Variants in ASS1 observed in about 807,000 individuals in gnomAD.
ASS1 encodes the protein argininosuccinate synthase 1.
In ASS1, 58 loss-of-function variants were observed where a neutral mutation model predicts 60.5. The ratio of observed to expected loss-of-function variants is 0.96; its 90% CI spans 0.78 to 1.19. The LOEUF is 1.19. ASS1 is among the 50% of genes most tolerant of loss of function. The pLI is 0.00. For synonymous variants in ASS1, 200 were observed against 206.9 expected, an observed-to-expected ratio of 0.97 and a Z score of 0.29; for missense variants, 454 against 547.3, an observed-to-expected ratio of 0.83 and a Z score of 1.70.
In ASS1 at chr9:130,476,872, A is replaced by C. The variant is rs1846032929; in HGVS notation, c.599A>C (p.Asn200Thr). ...CCACCACTTTCTGTCTTTTTTCAGA[A>C]CCAAGCGCCTCCAGGTCTCTACACG... ...YEAGILENPK[N>T]QAPPGLYTKT... Residue 200 changes from asparagine (N) to threonine (T), a missense_variant and splice_region_variant, in exon 9 of 15, where the codon AAC (asparagine) becomes ACC (threonine). Physicochemically the swap from Asn to Thr is moderately conservative, Grantham distance 65 (BLOSUM62 0). Coordinates refer to ENST00000352480, the MANE Select transcript of ASS1 (RefSeq NM_054012.4). This position sits in a 1 kb window ranked among gnomAD's most constrained non-coding sequence, Gnocchi z 4.9. 1.2e-6 allele frequency: 2 copies of C among 1,613,860 alleles called. No homozygotes were observed. The highest frequency in any genetic ancestry group is 1.3e-5 in the African/African-American group (1 of 74,984).
In ASS1 at chr9:130,476,952, T is replaced by A; in HGVS notation, c.679T>A (p.Phe227Ile). ...CACCCCTGACATTCTCGAGATCGAGTTCAAAAAAGGTATGTGCCCACCTGT... is the reference window on the plus strand; with the variant it reads ...CACCCCTGACATTCTCGAGATCGAGATCAAAAAAGGTATGTGCCCACCTGT... ...PNTPDILEIEFKKGVPVKVTN... is the reference protein window; with the variant it reads ...PNTPDILEIEIKKGVPVKVTN... Residue 227 changes from phenylalanine to isoleucine, a missense_variant, in exon 9 of 15, where the codon TTC becomes ATC. Phe to Ile is a conservative substitution (Grantham distance 21). Transcript: ENST00000352480. This position sits in a 1 kb window ranked among gnomAD's most constrained non-coding sequence, Gnocchi z 4.9. 6.2e-7 allele frequency: 1 copy of A among 1,613,552 alleles called. No individual in the cohort carries two copies. The highest frequency in any genetic ancestry group is 8.5e-7 in the Non-Finnish European group (1 of 1,179,848).
intron 13 of ASS1, among the ~76,000 whole-genome samples, chr9:130,495,877 G>A (rs971301052): frequency 1.3e-5 from 2 of 152,150 alleles, no homozygotes; most frequent in Non-Finnish European, 2.9e-5. Flanking sequence ...GTCTGGGGTC[G>A]TGAGCAGCTG....
At position 130,476,714 on chromosome 9, in the gene ASS1, T is replaced by G; in HGVS notation, c.598-157T>G. 1 of 755,322 alleles carries G rather than the reference T, an allele frequency of 1.3e-6. No individual in the cohort carries two copies. Among genetic ancestry groups the G allele is most frequent in the African/African-American group, 1.7e-5 (1 of 58,022 alleles). The allele number at this position is 755,322 out of a possible 1,614,324, so 46.8% of individuals were successfully genotyped here. On this transcript the variant is annotated intron_variant, in intron 8 of 14. Coordinates refer to ENST00000352480, the MANE Select transcript of ASS1 (RefSeq NM_054012.4). This position sits in a 1 kb window ranked among gnomAD's most constrained non-coding sequence, Gnocchi z 4.9. ...CCAGGCCTCTGGCAAGCGAGGCTGG[T>G]GCTAGGCTGAGGGCTGGGGACCGGG...
At chr9:130,460,430 C>A (rs762608053) in intron 4 of ASS1, among the ~76,000 whole-genome samples, 8 of 152,130 alleles carry the variant, frequency 5.3e-5, no homozygotes, top group Non-Finnish European at 1.2e-4. Flanking sequence ...TCAGAGAGCC[C>A]ATTTCCTGGC....
chr9:130,453,264 G>A (rs867911546), intron 2 of ASS1, among the ~76,000 whole-genome samples: 2 of 152,270 alleles, frequency 1.3e-5, no homozygotes, highest in African/African-American at 4.8e-5. Context: ...TTCAGTGGGC[G>A]GGATTTCTTC....
intron 11 of ASS1, among the ~76,000 whole-genome samples, chr9:130,484,730 C>T (rs1267761153): frequency 6.7e-6 from 1 of 149,008 alleles, no homozygotes; most frequent in Non-Finnish European, 1.5e-5. Context: ...TTTTTTTTTT[C>T]CAGAAGAAAC....
rs376237471 is a variant in ASS1, at chr9:130,475,576, G to T, written c.598-1295G>T. Among the ~76,000 whole-genome samples the T allele has an allele frequency of 9.7e-4, 148 of 152,156 alleles. 2 individuals are homozygous for T. Among genetic ancestry groups the T allele is most frequent in the African/African-American group, 3.5e-3 (145 of 41,466 alleles). On this transcript the variant is annotated intron_variant, in intron 8 of 14. Coordinates refer to ENST00000352480, the MANE Select transcript of ASS1 (RefSeq NM_054012.4). Reference sequence around the variant, plus strand: ...CTGAGTGCCAGGGAACAAGTCCCACGTGGTCTCTGCCTGCACAGAACTCAC... The same window carrying T: ...CTGAGTGCCAGGGAACAAGTCCCACTTGGTCTCTGCCTGCACAGAACTCAC...
chr9:130,463,373 G>A (rs967029317), intron 4 of ASS1, among the ~76,000 whole-genome samples: 1 of 152,072 alleles, frequency 6.6e-6, no homozygotes, highest in Non-Finnish European at 1.5e-5. Flanking sequence ...CTATGTCGGG[G>A]GTAACGTTCA....
intron 1 of ASS1, among the ~76,000 whole-genome samples, chr9:130,449,415 G>T: frequency 6.6e-6 from 1 of 151,938 alleles, no homozygotes; most frequent in East Asian, 1.9e-4. Context: ...GGCGATGCAG[G>T]TGATCCAGCT....
intron 11 of ASS1, among the ~76,000 whole-genome samples, chr9:130,487,182 G>A (rs1846321411): frequency 6.6e-6 from 1 of 152,202 alleles, no homozygotes; most frequent in Admixed American, 6.5e-5. Context: ...TCTGCCGCAG[G>A]CTGTTTGAAT....
chr9:130,494,717 G>A lies in ASS1; in HGVS notation c.971-150G>A. ...AAGCATGGTCCTCAACTCAGCCACT[G>A]GCAAGCGCACATTGTGCCAGTCTCG... On this transcript the variant is annotated intron_variant, in intron 12 of 14. Transcript: ENST00000352480. The surrounding 1 kb of genome is among the most constrained non-coding windows in gnomAD (Gnocchi z 4.3). 3 of 1,044,610 alleles carry A rather than the reference G, an allele frequency of 2.9e-6. No homozygotes were observed. Among genetic ancestry groups the A allele is most frequent in the East Asian group, 2.5e-5 (1 of 39,286 alleles). The allele number at this position is 1,044,610 out of a possible 1,614,324, so 64.7% of individuals were successfully genotyped here. A position where few individuals can be genotyped will look rare whatever the true frequency, so the allele number is the denominator to read the frequency against.
intron 13 of ASS1, among the ~76,000 whole-genome samples, chr9:130,499,084 G>A (rs1367546399): frequency 6.6e-6 from 1 of 152,164 alleles, no homozygotes; most frequent in Non-Finnish European, 1.5e-5. Flanking sequence ...TTGTGCTATT[G>A]CAATTCACAC....
chr9:130,479,406 C>T (rs1404530369), intron 9 of ASS1, among the ~76,000 whole-genome samples: 16 of 152,038 alleles, frequency 1.1e-4, no homozygotes, highest in Admixed American at 9.8e-4. Flanking sequence ...AATGGTGGAG[C>T]GTGAAATTCA....
At chr9:130,486,252 C>T (rs1846304651) in intron 11 of ASS1, among the ~76,000 whole-genome samples, 2 of 152,128 alleles carry the variant, frequency 1.3e-5, no homozygotes, top group Admixed American at 1.3e-4. Flanking sequence ...CCACCACGCC[C>T]AGCTAATTTT....
At chr9:130,471,674 T>C (rs1845869678) in intron 8 of ASS1, among the ~76,000 whole-genome samples, 159 bp downstream of exon 8, 1 of 149,718 alleles carries the variant, frequency 6.7e-6, no homozygotes, top group African/African-American at 2.5e-5. Flanking sequence ...ACCCCCGCAC[T>C]GGCCCCCCTC....
chr9:130,466,871 G>C, intron 6 of ASS1, 72 bp downstream of exon 6: 1 of 1,541,612 alleles, frequency 6.5e-7, no homozygotes, highest in Non-Finnish European at 8.9e-7. Context: ...CCTGCTGGGG[G>C]CTGTCTGAGC....
Position 130,466,634 on chromosome 9 carries a change from C to A in ASS1, c.421-91C>A, listed in dbSNP as rs925980126. 4 of 1,267,830 alleles carry A rather than the reference C, an allele frequency of 3.2e-6. No homozygotes were observed. In the Admixed American group the frequency reaches 7.0e-5, roughly 22 times the overall value. The allele number at this position is 1,267,830 out of a possible 1,614,324, so 78.5% of individuals were successfully genotyped here. A position where few individuals can be genotyped will look rare whatever the true frequency, so the allele number is the denominator to read the frequency against. On this transcript the variant is annotated intron_variant, in intron 5 of 14. Transcript: ENST00000352480. ...GGACATGCTGGAGACCCCCATGGGC[C>A]CCTCCCAGGAGAGGCCAGCTCTGCA...
intron 6 of ASS1, among the ~76,000 whole-genome samples, chr9:130,467,443 A>C (rs1845770220): frequency 6.6e-6 from 1 of 152,146 alleles, no homozygotes; most frequent in Non-Finnish European, 1.5e-5. Context: ...AGGCCGGGGA[A>C]AAGCAACTCA....
At chr9:130,468,523 T>TA (rs966810864) in intron 6 of ASS1, among the ~76,000 whole-genome samples, 1 of 152,212 alleles carries the variant, frequency 6.6e-6, no homozygotes, top group African/African-American at 2.4e-5. Flanking sequence ...CTGACCCTCC[T>TA]ACCTCAGCCT....
Sources: allele counts gnomAD v4.1 joint callset (sites outside exome capture counted in the v4.1 genomes callset), GRCh38; gene constraint gnomAD v4.1.1; non-coding constraint Gnocchi (gnomAD v3.1); transcripts MANE v1.5; gene names NCBI Gene and HGNC (gene_info 2026-07-23, HGNC 2026-07-21).